The following LBHD1 variants were observed in gnomAD, a reference collection of about 807,000 sequenced individuals.
The protein encoded by LBHD1 is LBH domain containing 1.
LBHD1 carries 28 observed loss-of-function variants against 31.1 expected under a neutral mutation model. The observed-to-expected ratio is 0.90, with a 90% confidence interval of 0.67 to 1.24. The LOEUF (loss-of-function observed/expected upper bound fraction) is 1.24, where lower values mean the gene tolerates loss of function less well. Ranked by LOEUF, LBHD1 falls within the 50% of genes most tolerant of loss-of-function variation. The pLI, the probability that LBHD1 is intolerant of heterozygous loss-of-function variation, is 0.00. For missense variants in LBHD1, 350 were observed against 323.0 expected (o/e 1.08, Z -0.64); for synonymous variants, 105 against 116.5 (o/e 0.90, Z 0.63).
chr11:62,669,789 CTTT>C lies in LBHD1; in HGVS notation c.162_164del (p.Lys55del), dbSNP rs767605914. The stretch of plus-strand genomic sequence containing the variant: ...CCACCACAATAGACGGCAGATGGGA[CTTT>C]TGAGAGAAATCCTGAATAGGGACAG... On this transcript the variant is annotated inframe_deletion, in exon 3 of 7. Coordinates refer to ENST00000354588, the MANE Select transcript of LBHD1 (RefSeq NM_024099.5). 17 of 1,614,088 alleles carry C rather than the reference CTTT, an allele frequency of 1.1e-5. No individual in the cohort carries two copies. The highest frequency in any genetic ancestry group is 1.3e-5 in the Non-Finnish European group (15 of 1,180,042).
At chr11:62,665,444 G>C (rs1944777355) in intron 4 of LBHD1, 6 of 1,556,618 alleles carry the variant, frequency 3.9e-6, no homozygotes, top group Admixed American at 1.8e-5. Flanking sequence ...GGCGGGGATC[G>C]GGCTTGTGGT....
chr11:62,665,159 G>T (rs1257737855), intron 4 of LBHD1, 186 bp from the exon 5 acceptor site: 2 of 917,220 alleles, frequency 2.2e-6, no homozygotes, highest in Non-Finnish European at 3.4e-6. Flanking sequence ...CTTTCCCCCC[G>T]GAGCTCCCAT....
At chr11:62,665,547 C>CT in intron 4 of LBHD1, 1 of 1,570,350 alleles carries the variant, frequency 6.4e-7, no homozygotes, top group Non-Finnish European at 8.6e-7. Context: ...TCCGCTGGTT[C>CT]TATCCTCAAA....
chr11:62,671,692 A>G lies in LBHD1; in HGVS notation c.-139T>C. On this transcript the variant is annotated 5_prime_UTR_variant, in exon 1 of 7. Coordinates refer to ENST00000354588, the MANE Select transcript of LBHD1 (RefSeq NM_024099.5). Reference sequence around the variant, plus strand: ...AGGGGTAGTGAGACCGCGCGGCAACAGCTTGCGGCTGCGGGGAGCTCCCGT... The same window carrying G: ...AGGGGTAGTGAGACCGCGCGGCAACGGCTTGCGGCTGCGGGGAGCTCCCGT... The G allele has an allele frequency of 6.2e-7, 1 of 1,602,400 alleles. No individual in the cohort carries two copies. The highest frequency in any genetic ancestry group is 8.5e-7 in the Non-Finnish European group (1 of 1,174,258).
At position 62,666,357 on chromosome 11, in the gene LBHD1, C is replaced by T. The variant is rs746863829; in HGVS notation, c.538+1166G>A. ...TGTATATACGACGTTTTTGCAGTGGCGACATAGACCAAGTGACACCCTCCA... is the reference window on the plus strand; with the variant it reads ...TGTATATACGACGTTTTTGCAGTGGTGACATAGACCAAGTGACACCCTCCA... On this transcript the variant is annotated intron_variant, in intron 4 of 6. Coordinates refer to ENST00000354588, the MANE Select transcript of LBHD1 (RefSeq NM_024099.5). 33 of 1,598,344 alleles carry T rather than the reference C, an allele frequency of 2.1e-5. No homozygotes were observed. In the Middle Eastern group the frequency reaches 4.9e-4, roughly 24 times the overall value.
At chr11:62,665,299 CGGTGCGG>C in intron 4 of LBHD1, 1 of 715,156 alleles carries the variant, frequency 1.4e-6, no homozygotes, top group Non-Finnish European at 2.4e-6. Context: ...AGGAGCTCCG[CGGTGCGG>C]GAGGCCTTTC....
rs2134609438 is a variant in LBHD1, at chr11:62,664,868, G to T, written c.644C>A (p.Ala215Glu). 1 of 1,575,074 alleles carries T rather than the reference G, an allele frequency of 6.3e-7. No individual in the cohort carries two copies. The change falls in exon 5 of 7, where the codon GCA (alanine) becomes GAA (glutamate). Residue 215 changes from alanine (A) to glutamate (E), a missense_variant. Ala to Glu is a moderately radical substitution (Grantham distance 107, BLOSUM62 -1). Transcript: ENST00000354588. ...ACTTACGCCCGCTTCTTGAGGTGGT[G>T]CCGCGTGATCAGCCCTTGGTCTATC... is the stretch of plus-strand genomic sequence containing the variant. ...GCDRPRADHA[A>E]PPQEAGVQCT...
chr11:62,672,024 G>A lies in LBHD1; in HGVS notation c.-471C>T, dbSNP rs778144393. On this transcript the variant is annotated 5_prime_UTR_variant, in exon 1 of 7. Coordinates refer to ENST00000354588, the MANE Select transcript of LBHD1 (RefSeq NM_024099.5). ...CCCAGCAGCTATTGCTGGCCACTCT[G>A]CAGGAGGCAGCGACCACGCAGGAGA... 1.2e-6 allele frequency: 2 copies of A among 1,613,278 alleles called. No individual in the cohort carries two copies. Among genetic ancestry groups the A allele is most frequent in the South Asian group, 2.2e-5 (2 of 90,936 alleles).
chr11:62,667,017 C>T (rs751994903), intron 4 of LBHD1: 2 of 1,609,428 alleles, frequency 1.2e-6, no homozygotes, highest in East Asian at 4.5e-5. Flanking sequence ...AGGGGCATCA[C>T]CTACTTTGCT....
intron 5 of LBHD1, 46 bp from the exon 6 acceptor site, chr11:62,663,379 A>G (rs772978396): frequency 1.3e-6 from 2 of 1,572,084 alleles, no homozygotes; most frequent in East Asian, 2.2e-5. Context: ...ACCTGAACCA[A>G]CTGAGGTCAC....
chr11:62,668,664 G>A (rs1231961196), intron 3 of LBHD1, among the ~76,000 whole-genome samples: 1 of 151,252 alleles, frequency 6.6e-6, no homozygotes, highest in Non-Finnish European at 1.5e-5. Context: ...TTAGCTGGGC[G>A]TGGTGGCGGG....
chr11:62,664,044 G>C (rs1243694226), intron 5 of LBHD1, among the ~76,000 whole-genome samples: 2 of 136,614 alleles, frequency 1.5e-5, no homozygotes, highest in African/African-American at 5.5e-5. Context: ...CTTCACTCCA[G>C]CCTGGGCAAC....
intron 1 of LBHD1, chr11:62,670,815 G>T: frequency 6.5e-6 from 1 of 153,762 alleles, no homozygotes; most frequent in Non-Finnish European, 1.5e-5. Context: ...GGAGGCTGAG[G>T]CAGGAGAATG....
intron 4 of LBHD1, chr11:62,667,037 C>T: frequency 6.2e-7 from 1 of 1,601,230 alleles, no homozygotes; most frequent in East Asian, 2.2e-5. Flanking sequence ...TTACTTGATT[C>T]AAGGCTCTCA....
intron 4 of LBHD1, chr11:62,666,778 T>C (rs1342772774): frequency 6.2e-7 from 1 of 1,614,186 alleles, no homozygotes; most frequent in East Asian, 2.2e-5. Context: ...ACCTGGGGGC[T>C]GTGGCTTCTT....
At position 62,667,546 on chromosome 11, in the gene LBHD1, A is replaced by G. The variant is rs1299392494; in HGVS notation, c.515T>C (p.Leu172Pro). The G allele has an allele frequency of 6.2e-7, 1 of 1,614,186 alleles. No homozygotes were observed. Among genetic ancestry groups the G allele is most frequent in the Non-Finnish European group, 8.5e-7 (1 of 1,180,038 alleles). ...CRSGFVEYSH[L>P]LPPNSFEGAE... ...ACCCTCAAAGCTATTAGGAGGCAGG[A>G]GATGGGAATATTCCACAAAGCCACT... Residue 172 changes from leucine (L) to proline (P), a missense_variant, in exon 4 of 7, where the codon CTC (leucine) becomes CCC (proline). Physicochemically the swap from Leu to Pro is moderately conservative, Grantham distance 98. Coordinates refer to ENST00000354588, the MANE Select transcript of LBHD1 (RefSeq NM_024099.5).
rs1180821422 is a variant in LBHD1, at chr11:62,667,002, C to T, written c.538+521G>A. On this transcript the variant is annotated intron_variant, in intron 4 of 6. Coordinates refer to ENST00000354588, the MANE Select transcript of LBHD1 (RefSeq NM_024099.5). ...ACTGTGACTGTGCAGGAGCTAGGCCCGTTCAGGGGCATCACCTACTTTGCT... is the reference window on the plus strand; with the variant it reads ...ACTGTGACTGTGCAGGAGCTAGGCCTGTTCAGGGGCATCACCTACTTTGCT... The T allele has an allele frequency of 1.7e-5, 27 of 1,612,350 alleles. No homozygotes were observed. Among genetic ancestry groups the T allele is most frequent in the Middle Eastern group, 1.7e-4 (1 of 6,050 alleles).
At chr11:62,665,010 C>A (rs1273233362) in intron 4 of LBHD1, 37 bp from the exon 5 acceptor site, 1 of 1,603,594 alleles carries the variant, frequency 6.2e-7, no homozygotes, top group Admixed American at 1.7e-5. Context: ...ATGGAGTGGG[C>A]TCGCCGCGAC....
At position 62,665,085 on chromosome 11, in the gene LBHD1, C is replaced by T. The variant is rs779764864; in HGVS notation, c.539-112G>A. 21 of 1,475,468 alleles carry T rather than the reference C, an allele frequency of 1.4e-5. 1 individual carries two copies. In the South Asian group the frequency reaches 2.3e-4, roughly 16 times the overall value. The allele number at this position is 1,475,468 out of a possible 1,614,324, so 91.4% of individuals were successfully genotyped here. A position where few individuals can be genotyped will look rare whatever the true frequency, so the allele number is the denominator to read the frequency against. On this transcript the variant is annotated intron_variant, in intron 4 of 6. Coordinates refer to ENST00000354588, the MANE Select transcript of LBHD1 (RefSeq NM_024099.5). ...TCCCATCTCGTGCGAGATAAAAGGGCTCAGGAACGCTTGAGGAAACAAAGT... is the reference window on the plus strand; with the variant it reads ...TCCCATCTCGTGCGAGATAAAAGGGTTCAGGAACGCTTGAGGAAACAAAGT...
Sources: allele counts gnomAD v4.1 joint callset (sites outside exome capture counted in the v4.1 genomes callset), GRCh38; gene constraint gnomAD v4.1.1; transcripts MANE v1.5; gene names NCBI Gene and HGNC (gene_info 2026-07-23, HGNC 2026-07-21).